Variants in CCDC91 observed in about 807,000 individuals in gnomAD.
The protein encoded by CCDC91 is coiled-coil domain-containing protein 91.
Under a neutral mutation model 63.2 loss-of-function variants are expected in CCDC91, and 48 were observed. The observed-to-expected ratio is 0.76, with a 90% CI of 0.60 to 0.97. CCDC91 has a LOEUF of 0.97. Among genes scored for constraint, CCDC91 ranks in the 50% least tolerant of loss-of-function variants. The pLI, the probability that CCDC91 is intolerant of heterozygous loss-of-function variation, is 0.00. For missense variants in CCDC91, 500 were observed against 494.6 expected (o/e 1.01, Z -0.10); for synonymous variants, 167 against 165.8 (o/e 1.01, Z -0.06).
intron 3 of CCDC91, among the ~76,000 whole-genome samples, chr12:28,289,685 C>T (rs73083942): frequency 2.3e-4 from 23 of 98,542 alleles, no homozygotes; most frequent in East Asian, 8.2e-4. Context: ...CTTTTCTTTT[C>T]TTTTTTTTTT....
chr12:28,415,292 C>T (rs1392546893), intron 8 of CCDC91, among the ~76,000 whole-genome samples: 3 of 151,584 alleles, frequency 2.0e-5, no homozygotes, highest in Non-Finnish European at 2.9e-5. Flanking sequence ...AGCACGATCT[C>T]GGCTCACTGC....
intron 10 of CCDC91, among the ~76,000 whole-genome samples, chr12:28,452,031 T>C (rs1949826953): frequency 7.4e-6 from 1 of 134,920 alleles, no homozygotes; most frequent in Non-Finnish European, 1.6e-5. Context: ...TTTTTTAATT[T>C]TAGAAAGTAG....
intron 6 of CCDC91, among the ~76,000 whole-genome samples, chr12:28,338,316 GTT>G (rs34192753): frequency 7.7e-4 from 108 of 139,966 alleles, no homozygotes; most frequent in East Asian, 4.0e-3. Flanking sequence ...CCCCCATAGT[GTT>G]TTTTTTTTTT....
At chr12:28,391,681 A>C (rs190348887) in intron 8 of CCDC91, among the ~76,000 whole-genome samples, 1 of 152,182 alleles carries the variant, frequency 6.6e-6, no homozygotes. Flanking sequence ...AAGCAAAGAG[A>C]TATCTATGAA....
chr12:28,543,883 C>T (rs979906977), intron 12 of CCDC91, among the ~76,000 whole-genome samples: 3 of 151,974 alleles, frequency 2.0e-5, no homozygotes, highest in Non-Finnish European at 4.4e-5. Flanking sequence ...TTCATCTATA[C>T]TTCCAATCCA....
intron 6 of CCDC91, among the ~76,000 whole-genome samples, chr12:28,359,782 C>CTTTCTTTTTTTTTTTTT (rs1565853546): frequency 5.9e-5 from 9 of 151,974 alleles, no homozygotes; most frequent in African/African-American, 2.2e-4. Context: ...CAGAATATTT[C>CTTTCTTTTTTTTTTTTT]TATTTACTTT....
At chr12:28,517,452 A>G (rs1316602356) in intron 12 of CCDC91, among the ~76,000 whole-genome samples, 2 of 151,978 alleles carry the variant, frequency 1.3e-5, no homozygotes, top group Non-Finnish European at 2.9e-5. Context: ...ATCATTCTGT[A>G]TGGGTACTTC....
At position 28,248,059 on chromosome 12, in the gene CCDC91, G is replaced by A. The variant is rs368009394; in HGVS notation, c.-14-9143G>A. ...CAAGGACCCAGACCGGTTCGTGTCCGCGGGTTGGGGACCCCTGCTCTCGGA... is the reference window on the plus strand; with the variant it reads ...CAAGGACCCAGACCGGTTCGTGTCCACGGGTTGGGGACCCCTGCTCTCGGA... On this transcript the variant is annotated intron_variant, in intron 1 of 12. Coordinates refer to ENST00000536442, the MANE Select transcript of CCDC91 (RefSeq NM_018318.5). Among the ~76,000 whole-genome samples the A allele has an allele frequency of 6.6e-5, 10 of 152,146 alleles. No homozygotes were observed. The East Asian group carries it at 1.3e-3, about 21-fold the overall frequency.
At chr12:28,489,253 T>C (rs1337644320) in intron 12 of CCDC91, among the ~76,000 whole-genome samples, 1 of 151,946 alleles carries the variant, frequency 6.6e-6, no homozygotes, top group Non-Finnish European at 1.5e-5. Flanking sequence ...TTTCTCTCTA[T>C]GTATTAATTG....
chr12:28,339,790 A>C (rs1942282287), intron 6 of CCDC91, among the ~76,000 whole-genome samples: 1 of 152,096 alleles, frequency 6.6e-6, no homozygotes, highest in Non-Finnish European at 1.5e-5. Flanking sequence ...GTGCCCAACC[A>C]CGGACTTGAG....
At chr12:28,523,384 C>T (rs1940929560) in intron 12 of CCDC91, among the ~76,000 whole-genome samples, 1 of 152,116 alleles carries the variant, frequency 6.6e-6, no homozygotes, top group Admixed American at 6.6e-5. Flanking sequence ...TTATCAGAGA[C>T]TAGGATTGCA....
chr12:28,215,684 C>T (rs11049468), intron 1 of CCDC91, among the ~76,000 whole-genome samples: 31,216 of 151,858 alleles, frequency 0.21, 4,199 homozygotes, highest in Non-Finnish European at 0.31. Context: ...CTTAAAATGC[C>T]TAGTACAAGC....
intron 6 of CCDC91, among the ~76,000 whole-genome samples, chr12:28,333,054 C>T (rs114430954): frequency 0.015 from 2,342 of 152,130 alleles, 61 homozygotes; most frequent in African/African-American, 0.054. Flanking sequence ...AATGCTCTAC[C>T]TGGTATGACC....
chr12:28,382,114 T>A (rs1945331432), intron 7 of CCDC91, among the ~76,000 whole-genome samples: 1 of 152,062 alleles, frequency 6.6e-6, no homozygotes, highest in African/African-American at 2.4e-5. Context: ...TCTCACAATC[T>A]AGTCTGCCTC....
intron 6 of CCDC91, among the ~76,000 whole-genome samples, chr12:28,316,236 C>T (rs117436575): frequency 2.6e-5 from 4 of 151,646 alleles, no homozygotes; most frequent in East Asian, 3.9e-4. Flanking sequence ...TATGGTGACT[C>T]CTGTTATTTG....
intron 7 of CCDC91, among the ~76,000 whole-genome samples, chr12:28,375,234 A>G (rs1474704004): frequency 2.0e-5 from 3 of 152,114 alleles, no homozygotes; most frequent in East Asian, 3.9e-4. Flanking sequence ...AAAAATGAAT[A>G]TTGCATGGCT....
At chr12:28,413,843 A>G (rs1408624761) in intron 8 of CCDC91, among the ~76,000 whole-genome samples, 2 of 152,254 alleles carry the variant, frequency 1.3e-5, no homozygotes, top group African/African-American at 2.4e-5. Flanking sequence ...ATTTTCCTGG[A>G]CAGTAAACAA....
intron 12 of CCDC91, among the ~76,000 whole-genome samples, chr12:28,541,465 G>A (rs781143309): frequency 3.3e-5 from 5 of 151,958 alleles, no homozygotes; most frequent in Non-Finnish European, 7.4e-5. Flanking sequence ...CTAATATTAG[G>A]TTTAAATTGT....
At chr12:28,302,353 A>G (rs1263478763) in intron 3 of CCDC91, among the ~76,000 whole-genome samples, 8 of 151,852 alleles carry the variant, frequency 5.3e-5, no homozygotes, top group Non-Finnish European at 8.8e-5. Flanking sequence ...ACTTCCATTT[A>G]CTGAATGTTT....
Sources: gnomAD v4.1 joint callset for allele counts (sites outside exome capture counted in the v4.1 genomes callset) on GRCh38, gnomAD v4.1.1 for gene constraint, MANE v1.5 for transcripts, NCBI Gene and HGNC (gene_info 2026-07-23, HGNC 2026-07-21) for gene names.